Variants in STAU1 observed in about 807,000 individuals in gnomAD.
STAU1 encodes the protein staufen double-stranded RNA binding protein 1.
Under a neutral mutation model 62.9 loss-of-function variants are expected in STAU1, and 13 were observed. The observed-to-expected ratio is 0.21, with a 90% CI of 0.13 to 0.33. The LOEUF (loss-of-function observed/expected upper bound fraction) is 0.33, where lower values mean the gene tolerates loss of function less well. Among genes scored for constraint, STAU1 ranks in the 10% least tolerant of loss-of-function variants. STAU1 has a pLI of 1.00. For synonymous variants in STAU1, 269 were observed against 265.1 expected, an observed-to-expected ratio of 1.01 and a Z score of -0.14; for missense variants, 571 against 712.1, an observed-to-expected ratio of 0.80 and a Z score of 2.25.
chr20:49,144,674 AG>A (rs2093085725), intron 5 of STAU1, among the ~76,000 whole-genome samples: 1 of 152,224 alleles, frequency 6.6e-6, no homozygotes. Context: ...AGCAAAAAGG[AG>A]ACTCAAAAGA....
intron 9 of STAU1, 136 bp downstream of exon 9, chr20:49,119,846 T>A (rs1217816607): frequency 9.3e-7 from 1 of 1,078,668 alleles, no homozygotes; most frequent in Non-Finnish European, 1.3e-6. Flanking sequence ...TCCAAATGGA[T>A]GAGACACTCC....
intron 6 of STAU1, among the ~76,000 whole-genome samples, chr20:49,129,856 G>A (rs1202427731): frequency 6.6e-6 from 1 of 151,998 alleles, no homozygotes; most frequent in Non-Finnish European, 1.5e-5. Context: ...TCTAACTCCT[G>A]ACCTCAAGTG....
chr20:49,142,243 T>A (rs1423074154), intron 5 of STAU1, among the ~76,000 whole-genome samples: 1 of 152,154 alleles, frequency 6.6e-6, no homozygotes, highest in South Asian at 2.1e-4. Context: ...CAAGCCACCA[T>A]GCCTGGCTAA....
intron 5 of STAU1, 122 bp from the exon 6 acceptor site, chr20:49,136,053 A>G: frequency 1.4e-6 from 1 of 694,920 alleles, no homozygotes; most frequent in East Asian, 2.8e-5. Flanking sequence ...TGAGCCCAGG[A>G]GTCTGAGACC....
the STAU1 span, among the ~76,000 whole-genome samples, chr20:49,208,083 C>T: frequency 2.6e-5 from 4 of 151,416 alleles, no homozygotes; most frequent in African/African-American, 9.7e-5. Context: ...TGTTTTGAGA[C>T]GGAGTCTCAC....
Position 49,118,268 on chromosome 20 carries a change from T to C in STAU1, c.1189+65A>G. 4 of 1,475,102 alleles carry C rather than the reference T, an allele frequency of 2.7e-6. No homozygotes were observed. The East Asian group carries it at 9.0e-5, about 33-fold the overall frequency. The allele number at this position is 1,475,102 out of a possible 1,614,324, so 91.4% of individuals were successfully genotyped here. ...ACCTCACTGGCTGGGCTCCTGCTGT[T>C]ATTCAGGACCCATGCAAATCCCAGA... On this transcript the variant is annotated intron_variant, in intron 10 of 13. Coordinates refer to ENST00000371856, the MANE Select transcript of STAU1 (RefSeq NM_017453.4).
chr20:49,147,369 C>G (rs979683448), intron 5 of STAU1, among the ~76,000 whole-genome samples: 1 of 152,358 alleles, frequency 6.6e-6, no homozygotes, highest in African/African-American at 2.4e-5. Flanking sequence ...GCCCTGTAGA[C>G]AGCAAGCGCT....
intron 4 of STAU1, among the ~76,000 whole-genome samples, chr20:49,153,021 T>C (rs1344518763): frequency 6.8e-6 from 1 of 147,196 alleles, no homozygotes; most frequent in Non-Finnish European, 1.5e-5. Flanking sequence ...GAGGCCGAGG[T>C]GGGCGGATCA....
At chr20:49,172,881 A>AT (rs1156864554) in intron 2 of STAU1, among the ~76,000 whole-genome samples, 450 of 141,430 alleles carry the variant, frequency 3.2e-3, no homozygotes, top group African/African-American at 6.5e-3. Flanking sequence ...ATGATAATAC[A>AT]TTTTTTTTTT....
chr20:49,145,470 C>T (rs187637738), intron 5 of STAU1, among the ~76,000 whole-genome samples: 22 of 139,890 alleles, frequency 1.6e-4, no homozygotes, highest in Non-Finnish European at 2.9e-4. Flanking sequence ...TGGTGGCTCA[C>T]GTCTGTAATC....
At chr20:49,144,312 G>C (rs1160521947) in intron 5 of STAU1, among the ~76,000 whole-genome samples, 1 of 151,984 alleles carries the variant, frequency 6.6e-6, no homozygotes, top group Non-Finnish European at 1.5e-5. Context: ...AATGCAAACA[G>C]GATGGGAGAG....
chr20:49,134,701 C>T lies in STAU1; in HGVS notation c.609+1132G>A, dbSNP rs998997577. The T allele has an allele frequency of 1.4e-4, 148 of 1,087,058 alleles. No individual in the cohort carries two copies. The African/African-American group carries it at 1.9e-3, about 14-fold the overall frequency. 67.3% of individuals were successfully genotyped at this position (1,087,058 alleles called of 1,614,324 possible). ...GGACCTTGATATATTTAACTCTCTA[C>T]ATTTCTGAATGTCTGAAAAAACTCC... On this transcript the variant is annotated intron_variant, in intron 6 of 13. Coordinates refer to ENST00000371856, the MANE Select transcript of STAU1 (RefSeq NM_017453.4).
intron 3 of STAU1, among the ~76,000 whole-genome samples, chr20:49,160,135 T>C (rs531762978): frequency 6.6e-6 from 1 of 152,276 alleles, no homozygotes; most frequent in Non-Finnish European, 1.5e-5. Flanking sequence ...GTTTTACACA[T>C]GAGGAAACAA....
At chr20:49,197,629 C>T in the STAU1 span, among the ~76,000 whole-genome samples, 5 of 151,070 alleles carry the variant, frequency 3.3e-5, no homozygotes, top group South Asian at 2.1e-4. Context: ...CTCGAACTCC[C>T]GACCTCACGT....
At chr20:49,193,526 C>A in the STAU1 span, among the ~76,000 whole-genome samples, 4 of 151,984 alleles carry the variant, frequency 2.6e-5, no homozygotes, top group Non-Finnish European at 5.9e-5. Flanking sequence ...CAAAAAGTAG[C>A]TGGGCGTGAT....
chr20:49,149,322 G>A (rs534033490), intron 5 of STAU1, among the ~76,000 whole-genome samples: 1 of 149,606 alleles, frequency 6.7e-6, no homozygotes, highest in South Asian at 2.1e-4. Flanking sequence ...GGGAGAGACT[G>A]TCTCAAAACA....
intron 6 of STAU1, among the ~76,000 whole-genome samples, chr20:49,135,347 ATTCATTGAT>A (rs1327095860): frequency 6.6e-6 from 1 of 152,228 alleles, no homozygotes; most frequent in East Asian, 1.9e-4. Context: ...TGATCAGACA[ATTCATTGAT>A]TATTGTTTTT....
At chr20:49,198,696 G>C in the STAU1 span, among the ~76,000 whole-genome samples, 1 of 151,792 alleles carries the variant, frequency 6.6e-6, no homozygotes, top group South Asian at 2.1e-4. Context: ...AGGCACTGTG[G>C]CTCCCGCCTG....
chr20:49,160,520 T>C (rs1020167591), intron 3 of STAU1, among the ~76,000 whole-genome samples: 35 of 152,194 alleles, frequency 2.3e-4, no homozygotes, highest in Admixed American at 2.2e-3. Context: ...GGAAAAAAGT[T>C]AACTCCAGAT....
Sources: gnomAD v4.1 joint callset for allele counts (sites outside exome capture counted in the v4.1 genomes callset) on GRCh38, gnomAD v4.1.1 for gene constraint, MANE v1.5 for transcripts, NCBI Gene and HGNC (gene_info 2026-07-23, HGNC 2026-07-21) for gene names.